The following ROR2 variants were observed in gnomAD, a reference collection of about 807,000 sequenced individuals.
The protein encoded by ROR2 is tyrosine-protein kinase transmembrane receptor ROR2.
ROR2 carries 33 observed loss-of-function variants against 74.9 expected under a neutral mutation model. The ratio of observed to expected loss-of-function variants is 0.44; its 90% CI spans 0.33 to 0.59. ROR2 has a LOEUF of 0.59. Among genes scored for constraint, ROR2 ranks in the 20% least tolerant of loss-of-function variants. The probability of loss-of-function intolerance (pLI) is 0.02; values close to 1 mark genes in which losing one functional copy is unlikely to be tolerated. For missense variants in ROR2, 1,216 were observed against 1,313.8 expected (o/e 0.93, Z 1.15); for synonymous variants, 586 against 558.7 (o/e 1.05, Z -0.69).
rs185073003 is a variant in ROR2 at position 91,810,485 on chromosome 9, C to T, written c.98-34667G>A. 3.4e-3 allele frequency among the ~76,000 whole-genome samples: 519 copies of T among 152,276 alleles called. 7 individuals are homozygous for T. Among genetic ancestry groups the T allele is most frequent in the Admixed American group, 0.031 (468 of 15,300 alleles). On this transcript the variant is annotated intron_variant, in intron 1 of 8. Transcript: ENST00000375708. The stretch of plus-strand genomic sequence containing the variant: ...CTTGTAAGACACGATCATCTACTTC[C>T]GCAGACAGTGCCTAAACATGCCAAC...
At chr9:91,914,673 C>A (rs1274553577) in intron 1 of ROR2, among the ~76,000 whole-genome samples, 1 of 152,172 alleles carries the variant, frequency 6.6e-6, no homozygotes, top group African/African-American at 2.4e-5. Flanking sequence ...CCCCGCCCCC[C>A]TTACATCTCA....
chr9:91,811,234 A>C (rs990791374), intron 1 of ROR2, among the ~76,000 whole-genome samples: 5 of 152,224 alleles, frequency 3.3e-5, no homozygotes, highest in African/African-American at 1.2e-4. Context: ...AGTGACAGGC[A>C]AAGGTGGGAA....
rs1456269470 is a variant in ROR2 at position 91,724,574 on chromosome 9, C to A, written c.1920G>T (p.Val640=). ...GCAGCTTGTAGTAATCGGCGGCATA[C>A]ACCTCTCGGAAGAGGCCCAAGTCTG... ...KISDLGLFRE[V]YAADYYKLLG... is the part of the protein sequence containing the mutation. Residue 640 remains valine, a synonymous_variant, in exon 9 of 9, where the codon GTG becomes GTT. Coordinates refer to ENST00000375708, the MANE Select transcript of ROR2 (RefSeq NM_004560.4). 3.1e-6 allele frequency: 5 copies of A among 1,614,238 alleles called. No homozygotes were observed. The South Asian group carries it at 4.4e-5, about 14-fold the overall frequency.
At chr9:91,739,512 TTA>T (rs150851365) in intron 4 of ROR2, among the ~76,000 whole-genome samples, 2 of 66,428 alleles carry the variant, frequency 3.0e-5, no homozygotes. Context: ...GTCTTTAAAT[TTA>T]AAAAAAAAAA....
rs772702198 is a variant in ROR2 at position 91,724,343 on chromosome 9, A to G, written c.2151T>C (p.Cys717=). ...TCATGAGGGCATACACCCAGGCGGG[A>G]CAGTCATCGGGGCAAGGCAGCACCT... ...NRQVLPCPDD[C]PAWVYALMIE... Residue 717 remains cysteine (C), a synonymous_variant, in exon 9 of 9, where the codon TGT becomes TGC. Transcript: ENST00000375708. The G allele has an allele frequency of 2.5e-6, 4 of 1,613,478 alleles. No individual in the cohort carries two copies. Among genetic ancestry groups the G allele is most frequent in the Non-Finnish European group, 3.4e-6 (4 of 1,180,012 alleles).
Position 91,723,157 on chromosome 9 carries a change from A to C in ROR2, c.*505T>G. The C allele has an allele frequency of 6.2e-6, 1 of 161,262 alleles. No individual in the cohort carries two copies. The highest frequency in any genetic ancestry group is 1.4e-5 in the Non-Finnish European group (1 of 73,138). 10.0% of individuals were successfully genotyped at this position (161,262 alleles called of 1,614,324 possible). On this transcript the variant is annotated 3_prime_UTR_variant, in exon 9 of 9. Transcript: ENST00000375708. ...CCGTTCCAGCGAATCTTTGGCTGCT[A>C]AAGGGAGAATATTCTCAGCAGGGAG...
chr9:91,880,424 T>C (rs568238825), intron 1 of ROR2, among the ~76,000 whole-genome samples: 1 of 152,348 alleles, frequency 6.6e-6, no homozygotes, highest in South Asian at 2.1e-4. Flanking sequence ...GCATCAGCTA[T>C]AGATATTCCA....
chr9:91,730,795 G>A (rs539627703), intron 7 of ROR2, 115 bp downstream of exon 7: 1 of 1,366,516 alleles, frequency 7.3e-7, no homozygotes, highest in Non-Finnish European at 1.0e-6. Context: ...AAGATCAGGG[G>A]TCTCTGGTCG....
intron 2 of ROR2, among the ~76,000 whole-genome samples, chr9:91,764,312 A>ATG (rs1476478698): frequency 6.6e-6 from 1 of 152,194 alleles, no homozygotes; most frequent in Non-Finnish European, 1.5e-5. Context: ...TATAACTCTT[A>ATG]TAAGTGGCAT....
chr9:91,948,485 A>G (rs1587869494), intron 1 of ROR2: 1 of 777,038 alleles, frequency 1.3e-6, no homozygotes, highest in South Asian at 5.9e-5. Context: ...TTTAATGCAC[A>G]GTGAGATAAA....
Position 91,724,551 on chromosome 9 carries a change from A to G in ROR2, c.1943T>C (p.Leu648Pro). The change falls in exon 9 of 9, where the codon CTG (leucine) becomes CCG (proline). Residue 648 changes from leucine to proline, a missense_variant. Physicochemically the swap from Leu to Pro is moderately conservative, Grantham distance 98 (BLOSUM62 -3). Coordinates refer to ENST00000375708, the MANE Select transcript of ROR2 (RefSeq NM_004560.4). ...REVYAADYYK[L>P]LGNSLLPIRW... Reference sequence around the variant, plus strand: ...GATAGGCAGCAGCGAGTTCCCCAGCAGCTTGTAGTAATCGGCGGCATACAC... The same window carrying G: ...GATAGGCAGCAGCGAGTTCCCCAGCGGCTTGTAGTAATCGGCGGCATACAC... The G allele has an allele frequency of 6.2e-7, 1 of 1,614,232 alleles. No individual in the cohort carries two copies. The highest frequency in any genetic ancestry group is 8.5e-7 in the Non-Finnish European group (1 of 1,180,046).
intron 1 of ROR2, among the ~76,000 whole-genome samples, chr9:91,812,846 C>T (rs1359253485): frequency 6.6e-6 from 1 of 152,188 alleles, no homozygotes; most frequent in African/African-American, 2.4e-5. Context: ...ACTGTGTTGA[C>T]TTACAGAGCT....
chr9:91,924,991 C>T (rs1013545170), intron 1 of ROR2, among the ~76,000 whole-genome samples: 14 of 151,894 alleles, frequency 9.2e-5, no homozygotes, highest in Non-Finnish European at 1.9e-4. Flanking sequence ...ATCACAGGCA[C>T]GAGCCACCAC....
chr9:91,730,422 G>A (rs1027707368), intron 7 of ROR2, among the ~76,000 whole-genome samples: 6 of 152,114 alleles, frequency 3.9e-5, no homozygotes, highest in African/African-American at 9.7e-5. Context: ...GTCTTGTAAT[G>A]GTCAGATGTT....
In ROR2 at chr9:91,772,598, C is replaced by G. The variant is rs560649497; in HGVS notation, c.175+3143G>C. ...TTCTTTGCTTTCTTTTTGTACTACCCTTTCATAAACATGCATGTATGTACA... is the reference window on the plus strand; with the variant it reads ...TTCTTTGCTTTCTTTTTGTACTACCGTTTCATAAACATGCATGTATGTACA... On this transcript the variant is annotated intron_variant, in intron 2 of 8. Transcript: ENST00000375708. Among the ~76,000 whole-genome samples the G allele has an allele frequency of 1.1e-4, 16 of 152,340 alleles. No individual in the cohort carries two copies. The South Asian group carries it at 3.3e-3, about 32-fold the overall frequency.
chr9:91,860,776 G>C (rs1359328673), intron 1 of ROR2, among the ~76,000 whole-genome samples: 1 of 152,142 alleles, frequency 6.6e-6, no homozygotes, highest in Non-Finnish European at 1.5e-5. Context: ...ATTGAGGGCA[G>C]ATCTTCCCTA....
chr9:91,756,434 CTGGGAGTTTTTCACAGG>C (rs1416170323), intron 3 of ROR2, among the ~76,000 whole-genome samples: 21 of 152,184 alleles, frequency 1.4e-4, no homozygotes, highest in African/African-American at 4.8e-4. Flanking sequence ...CGTTTGCTGC[CTGGGAGTTTTTCACAGG>C]TGGGATGAAG....
chr9:91,915,564 A>G (rs1831105857), intron 1 of ROR2, among the ~76,000 whole-genome samples: 1 of 149,008 alleles, frequency 6.7e-6, no homozygotes. Flanking sequence ...CAGCAGCAAG[A>G]TTTATTGTGA....
In ROR2 at chr9:91,733,732, C is replaced by G. The variant is rs981539433; in HGVS notation, c.623-296G>C. 2.0e-5 allele frequency among the ~76,000 whole-genome samples: 3 copies of G among 152,150 alleles called. No homozygotes were observed. Among genetic ancestry groups the G allele is most frequent in the Non-Finnish European group, 4.4e-5 (3 of 67,998 alleles). On this transcript the variant is annotated intron_variant, in intron 5 of 8. Coordinates refer to ENST00000375708, the MANE Select transcript of ROR2 (RefSeq NM_004560.4). The surrounding 1 kb of genome is among the most constrained non-coding windows in gnomAD (Gnocchi z 5.7). ...CAAGAAAGAAGGAAAACTCGGCCCC[C>G]TAGCTCACTCCGCTAGGTGCTTCTT... is the stretch of plus-strand genomic sequence containing the variant.
Sources: allele counts gnomAD v4.1 joint callset (sites outside exome capture counted in the v4.1 genomes callset), GRCh38; gene constraint gnomAD v4.1.1; non-coding constraint Gnocchi (gnomAD v3.1); transcripts MANE v1.5; gene names NCBI Gene and HGNC (gene_info 2026-07-23, HGNC 2026-07-21).